Variants in PDE11A observed in about 807,000 individuals in gnomAD.
PDE11A encodes the protein phosphodiesterase 11A.
A neutral mutation model predicts 100.5 loss-of-function variants in PDE11A; 100 were observed. The observed-to-expected ratio is 1.00, with a 90% CI of 0.85 to 1.18. The LOEUF (loss-of-function observed/expected upper bound fraction) is 1.18. Among genes scored for constraint, PDE11A ranks in the 50% most tolerant of loss-of-function variants. The pLI, the probability that PDE11A is intolerant of heterozygous loss-of-function variation, is 0.00. For synonymous variants in PDE11A, 381 were observed against 420.8 expected (o/e 0.91, Z 1.16); for missense variants, 1,141 against 1,152.6 (o/e 0.99, Z 0.15).
chr2:177,636,855 A>G (rs1574084564), intron 19 of PDE11A, among the ~76,000 whole-genome samples: 2 of 152,124 alleles, frequency 1.3e-5, no homozygotes, highest in Non-Finnish European at 2.9e-5. Context: ...CCAGTTAAGA[A>G]CCACTGCTCT....
intron 2 of PDE11A, among the ~76,000 whole-genome samples, chr2:178,000,637 A>T (rs770020229): frequency 6.6e-6 from 1 of 152,230 alleles, no homozygotes; most frequent in African/African-American, 2.4e-5. Flanking sequence ...ATATTAAAGT[A>T]TCTACCTCAT....
intron 2 of PDE11A, among the ~76,000 whole-genome samples, chr2:177,946,125 G>C (rs1308856426): frequency 8.5e-6 from 1 of 117,972 alleles, no homozygotes; most frequent in African/African-American, 3.5e-5. Flanking sequence ...CCTCCGCCCG[G>C]CCAGCCGCCC....
At chr2:177,872,679 C>CT (rs2084159047) in intron 5 of PDE11A, among the ~76,000 whole-genome samples, 1 of 152,048 alleles carries the variant, frequency 6.6e-6, no homozygotes, top group Non-Finnish European at 1.5e-5. Context: ...GTTCAGAGGA[C>CT]TAAAGTATCT....
chr2:178,072,926 A>G (rs891895639), upstream of PDE11A: 1 of 985,292 alleles, frequency 1.0e-6, no homozygotes, highest in Non-Finnish European at 1.2e-6. Flanking sequence ...TTCCTGGAAG[A>G]GTCTCTGGAC....
chr2:177,809,658 A>T (rs886625433), intron 9 of PDE11A, among the ~76,000 whole-genome samples: 1 of 152,016 alleles, frequency 6.6e-6, no homozygotes, highest in East Asian at 1.9e-4. Context: ...TAAAGAAGCT[A>T]TGACTGTGTC....
chr2:178,002,690 T>A (rs1412624701), intron 2 of PDE11A, among the ~76,000 whole-genome samples: 2 of 152,086 alleles, frequency 1.3e-5, no homozygotes, highest in Non-Finnish European at 2.9e-5. Context: ...TTACAAAAAA[T>A]TATATCAAAA....
chr2:177,985,067 TC>T (rs2085925478), intron 2 of PDE11A, among the ~76,000 whole-genome samples: 1 of 152,222 alleles, frequency 6.6e-6, no homozygotes, highest in Non-Finnish European at 1.5e-5. Flanking sequence ...CTCAGCTATC[TC>T]CAACCAGTTG....
At chr2:178,095,631 G>A (rs898332118) in intron 2 of PDE11A, among the ~76,000 whole-genome samples, 58 of 152,192 alleles carry the variant, frequency 3.8e-4, no homozygotes, top group Admixed American at 3.5e-3. Context: ...TCTGTGATGG[G>A]GCTCCAACCC....
intron 2 of PDE11A, among the ~76,000 whole-genome samples, chr2:178,100,214 AG>A (rs1222612424): frequency 6.6e-6 from 1 of 152,248 alleles, no homozygotes; most frequent in African/African-American, 2.4e-5. Flanking sequence ...TTGTAAGTTA[AG>A]ATGGTTAAAA....
At chr2:178,072,829 G>A (rs2087156587), upstream of PDE11A, 5 of 1,190,022 alleles carry the variant, frequency 4.2e-6, no homozygotes, top group Non-Finnish European at 3.2e-6. Context: ...GCCCCTGAGT[G>A]AGGCACGGAG....
At chr2:177,852,365 T>G (rs2083728569) in intron 5 of PDE11A, among the ~76,000 whole-genome samples, 1 of 142,140 alleles carries the variant, frequency 7.0e-6, no homozygotes, top group South Asian at 2.3e-4. Flanking sequence ...ACAGATTTCT[T>G]TTTAATGCTT....
At chr2:177,718,168 C>T (rs929346987) in intron 12 of PDE11A, among the ~76,000 whole-genome samples, 6 of 152,210 alleles carry the variant, frequency 3.9e-5, no homozygotes, top group African/African-American at 1.4e-4. Flanking sequence ...TTCCTAAATA[C>T]TTCACATTCA....
rs775227635 is a variant in PDE11A, at chr2:177,820,214, T to C, written c.1576+6A>G. ...AAGAAGTTTAACTATTTAGGTCATCTCTTACCAATTATTTGGTGGTTGCTA... is the reference window on the plus strand; with the variant it reads ...AAGAAGTTTAACTATTTAGGTCATCCCTTACCAATTATTTGGTGGTTGCTA... On this transcript the variant is annotated splice_donor_region_variant and intron_variant, in intron 7 of 19. Coordinates refer to ENST00000286063, the MANE Select transcript of PDE11A (RefSeq NM_016953.4). 6.9e-6 allele frequency: 10 copies of C among 1,446,342 alleles called. No individual in the cohort carries two copies. In the South Asian group the frequency reaches 1.0e-4, roughly 15 times the overall value. 89.6% of individuals were successfully genotyped at this position (1,446,342 alleles called of 1,614,324 possible). A position where few individuals can be genotyped will look rare whatever the true frequency, so the allele number is the denominator to read the frequency against.
chr2:177,949,653 A>G (rs774254195), intron 2 of PDE11A, among the ~76,000 whole-genome samples: 1 of 152,232 alleles, frequency 6.6e-6, no homozygotes, highest in Non-Finnish European at 1.5e-5. Context: ...AGTGCTTGCC[A>G]TATAGTACTT....
intron 15 of PDE11A, among the ~76,000 whole-genome samples, chr2:177,685,773 G>C (rs545712847): frequency 2.0e-5 from 3 of 152,216 alleles, no homozygotes; most frequent in Non-Finnish European, 4.4e-5. Flanking sequence ...CTCCATGTTG[G>C]TCAGGCCAGT....
intron 19 of PDE11A, among the ~76,000 whole-genome samples, chr2:177,645,157 T>C (rs1317782470): frequency 6.6e-6 from 1 of 152,224 alleles, no homozygotes; most frequent in Non-Finnish European, 1.5e-5. Context: ...TAAGGAAAGA[T>C]AAAGGAGAAC....
intron 1 of PDE11A, among the ~76,000 whole-genome samples, chr2:178,029,319 A>G (rs2086516482): frequency 6.6e-6 from 1 of 152,238 alleles, no homozygotes; most frequent in Non-Finnish European, 1.5e-5. Flanking sequence ...CACTTTAGTT[A>G]GGAACAATAA....
At chr2:178,020,166 G>A (rs919613627) in intron 1 of PDE11A, among the ~76,000 whole-genome samples, 1 of 152,208 alleles carries the variant, frequency 6.6e-6, no homozygotes, top group Non-Finnish European at 1.5e-5. Context: ...AGAGTGGTAT[G>A]TATTCTGATG....
intron 1 of PDE11A, among the ~76,000 whole-genome samples, chr2:178,016,750 A>G (rs1243255620): frequency 7.9e-5 from 12 of 152,182 alleles, no homozygotes; most frequent in Admixed American, 7.9e-4. Context: ...AGGAAGATGA[A>G]CCAATACATA....
Sources: allele counts gnomAD v4.1 joint callset (sites outside exome capture counted in the v4.1 genomes callset), GRCh38; gene constraint gnomAD v4.1.1; transcripts MANE v1.5; gene names NCBI Gene and HGNC (gene_info 2026-07-23, HGNC 2026-07-21).